Variants in CDH23 observed in about 807,000 individuals in gnomAD.
CDH23 encodes the protein cadherin related 23, also known as cadherin-23.
Under a neutral mutation model 317.1 loss-of-function variants are expected in CDH23, and 189 were observed. That is an observed-to-expected ratio of 0.60 (90% CI 0.53 to 0.67). CDH23 has a LOEUF of 0.67. Ranked by LOEUF, CDH23 falls within the 30% of genes least tolerant of loss-of-function variation. CDH23 has a pLI of 0.00. For synonymous variants in CDH23, 1,839 were observed against 1,876.8 expected (o/e 0.98, Z 0.52); for missense variants, 4,401 against 4,592.4 (o/e 0.96, Z 1.20).
chr10:71,703,470 G>A (rs1175847915), intron 24 of CDH23, among the ~76,000 whole-genome samples: 1 of 152,204 alleles, frequency 6.6e-6, no homozygotes, highest in Non-Finnish European at 1.5e-5. Context: ...GTACCTGCCT[G>A]GCTGTGCTGT....
At chr10:71,621,476 CT>C (rs1290585511) in intron 11 of CDH23, among the ~76,000 whole-genome samples, 2 of 152,228 alleles carry the variant, frequency 1.3e-5, no homozygotes, top group African/African-American at 4.8e-5. Context: ...CCCTCATGCT[CT>C]GCCTGGAACG....
chr10:71,492,463 G>C (rs535825277), intron 3 of CDH23, among the ~76,000 whole-genome samples: 1 of 152,294 alleles, frequency 6.6e-6, no homozygotes, highest in Non-Finnish European at 1.5e-5. Flanking sequence ...CAGGCATTGG[G>C]AAAACTGACC....
At chr10:71,639,144 G>A (rs370999815) in intron 11 of CDH23, among the ~76,000 whole-genome samples, 59 of 152,344 alleles carry the variant, frequency 3.9e-4, no homozygotes, top group East Asian at 3.5e-3. Context: ...CTCTGGCTCC[G>A]GGACCCGCGG....
chr10:71,692,192 C>G (rs1224286445), intron 20 of CDH23, among the ~76,000 whole-genome samples: 5 of 152,204 alleles, frequency 3.3e-5, no homozygotes, highest in Non-Finnish European at 7.3e-5. Flanking sequence ...AGTAACCTGA[C>G]TGAGGACTCG....
intron 14 of CDH23, chr10:71,646,850 G>T: frequency 6.9e-7 from 1 of 1,454,284 alleles, no homozygotes. Context: ...ACGAGACTGA[G>T]CTGAGGACAC....
At chr10:71,737,890 C>G in intron 34 of CDH23, 1 of 444,470 alleles carries the variant, frequency 2.2e-6, no homozygotes, top group Non-Finnish European at 4.6e-6. Context: ...ATTTGACAGT[C>G]AGAAATTCAC....
chr10:71,731,521 G>T (rs2132823056), intron 31 of CDH23, among the ~76,000 whole-genome samples: 1 of 152,294 alleles, frequency 6.6e-6, no homozygotes, highest in East Asian at 1.9e-4. Flanking sequence ...ACAGGAATTT[G>T]GGGCGTAGGG....
intron 6 of CDH23, among the ~76,000 whole-genome samples, chr10:71,559,317 A>G (rs1250879854): frequency 1.3e-5 from 2 of 152,252 alleles, no homozygotes; most frequent in East Asian, 3.8e-4. Context: ...GGACAAAAAC[A>G]GAATTAAATG....
rs541849663 is a variant in CDH23 at position 71,430,650 on chromosome 10, A to G, written c.-5-9177A>G. Among the ~76,000 whole-genome samples, 5 of 152,324 alleles carry G rather than the reference A, an allele frequency of 3.3e-5. No homozygotes were observed. In the East Asian group the frequency reaches 9.6e-4, roughly 29 times the overall value. ...TGATGAAATCCCGTCTCTACTAAAA[A>G]TACAAAAATGTTAGCCTGGCCTGGT... On this transcript the variant is annotated intron_variant, in intron 1 of 69. Transcript: ENST00000224721.
intron 38 of CDH23, among the ~76,000 whole-genome samples, chr10:71,766,533 A>C (rs1840549179): frequency 6.6e-6 from 1 of 151,916 alleles, no homozygotes; most frequent in South Asian, 2.1e-4. Flanking sequence ...GGCAGATCCC[A>C]CCCTTCTCTG....
intron 9 of CDH23, among the ~76,000 whole-genome samples, chr10:71,584,187 T>C (rs1723429957): frequency 6.6e-6 from 1 of 152,174 alleles, no homozygotes; most frequent in Non-Finnish European, 1.5e-5. Flanking sequence ...CAGATTTACA[T>C]TATATCCATG....
At chr10:71,410,360 G>A (rs1270073865) in intron 1 of CDH23, among the ~76,000 whole-genome samples, 15 of 151,738 alleles carry the variant, frequency 9.9e-5, no homozygotes. Context: ...AGGGGGTGCA[G>A]TCCTGGAAGA....
rs1469650720 is a variant in CDH23 at position 71,715,956 on chromosome 10, T to C, written c.3369+3143T>C. 6 of 1,476,266 alleles carry C rather than the reference T, an allele frequency of 4.1e-6. No individual in the cohort carries two copies. The African/African-American group carries it at 4.3e-5, about 11-fold the overall frequency. The allele number at this position is 1,476,266 out of a possible 1,614,324, so 91.4% of individuals were successfully genotyped here. On this transcript the variant is annotated intron_variant, in intron 28 of 69. Transcript: ENST00000224721. ...CCCCATTACATCTTGGTAGATTCCA[T>C]GTAGTCACAGTGGCTGCGGTTGTCC...
chr10:71,669,994 C>T (rs562267688), intron 14 of CDH23, among the ~76,000 whole-genome samples: 2,469 of 93,606 alleles, frequency 0.026, 71 homozygotes, highest in African/African-American at 0.073. Context: ...GAGCGAGACT[C>T]CGTCTCAAAA....
intron 11 of CDH23, among the ~76,000 whole-genome samples, chr10:71,638,752 G>C (rs868114251): frequency 6.6e-6 from 1 of 152,218 alleles, no homozygotes. Context: ...ACCACGCTGG[G>C]TCAGCACACG....
chr10:71,785,760 G>C (rs772364947), intron 44 of CDH23, 22 bp downstream of exon 44: 1 of 1,462,914 alleles, frequency 6.8e-7, no homozygotes, highest in Non-Finnish European at 9.5e-7. Context: ...GGGCACTGGT[G>C]GGAGTGGGCT....
At position 71,677,530 on chromosome 10, in the gene CDH23, C is replaced by T; in HGVS notation, c.1589C>T (p.Thr530Ile). Reference protein sequence around the residue: ...RLDYELIQRFTLTIIARDGGG... With the variant: ...RLDYELIQRFILTIIARDGGG... ...GACTATGAGCTCATCCAGCGCTTCA[C>T]CCTGACGATCATTGCCCGGGACGGG... Residue 530 changes from threonine to isoleucine, a missense_variant, in exon 16 of 70, where the codon ACC (threonine) becomes ATC (isoleucine). Transcript: ENST00000224721. 1 of 1,612,224 alleles carries T rather than the reference C, an allele frequency of 6.2e-7. No homozygotes were observed. Among genetic ancestry groups the T allele is most frequent in the Non-Finnish European group, 8.5e-7 (1 of 1,179,414 alleles).
rs148157015 is a variant in CDH23, at chr10:71,538,690, C to T, written c.429+27478C>T. ...ACAACTGCCTTGTCCATGGATACAG[C>T]GTGCAACAAACTCGCAGGAGTTTGC... On this transcript the variant is annotated intron_variant, in intron 6 of 69. Transcript: ENST00000224721. Among the ~76,000 whole-genome samples, 7 of 152,314 alleles carry T rather than the reference C, an allele frequency of 4.6e-5. No individual in the cohort carries two copies. The East Asian group carries it at 1.4e-3, about 29-fold the overall frequency.
At chr10:71,723,524 T>C (rs1866658267) in intron 28 of CDH23, among the ~76,000 whole-genome samples, 1 of 152,216 alleles carries the variant, frequency 6.6e-6, no homozygotes, top group Admixed American at 6.5e-5. Flanking sequence ...TGAATGAGCA[T>C]GGAGCCATTG....
Sources: gnomAD v4.1 joint callset for allele counts (sites outside exome capture counted in the v4.1 genomes callset) on GRCh38, gnomAD v4.1.1 for gene constraint, MANE v1.5 for transcripts, NCBI Gene and HGNC (gene_info 2026-07-23, HGNC 2026-07-21) for gene names.